Variants in UST observed in about 807,000 individuals in gnomAD.
UST encodes chondroitin sulfate 2-O-sulfotransferase.
A neutral mutation model predicts 45.6 loss-of-function variants in UST; 21 were observed. That is an observed-to-expected ratio of 0.46 (90% CI 0.33 to 0.66). The LOEUF (loss-of-function observed/expected upper bound fraction) is 0.66. Ranked by LOEUF, UST falls within the 30% of genes least tolerant of loss-of-function variation. The probability of loss-of-function intolerance (pLI) is 0.02; values close to 1 mark genes in which losing one functional copy is unlikely to be tolerated. For synonymous variants in UST, 215 were observed against 200.6 expected, an observed-to-expected ratio of 1.07 and a Z score of -0.61; for missense variants, 463 against 512.4, an observed-to-expected ratio of 0.90 and a Z score of 0.93.
chr6:149,010,895 CAAAAAAAAA>C (rs1172538648), intron 5 of UST, among the ~76,000 whole-genome samples: 25 of 65,614 alleles, frequency 3.8e-4, no homozygotes, highest in African/African-American at 1.5e-3. Context: ...CCGTCTCAAC[CAAAAAAAAA>C]AAAAAAAAAA....
intron 2 of UST, among the ~76,000 whole-genome samples, chr6:148,892,877 C>T (rs1446846657): frequency 6.6e-6 from 1 of 151,984 alleles, no homozygotes; most frequent in Non-Finnish European, 1.5e-5. Flanking sequence ...ACAAAGATGC[C>T]ATAATGGATC....
At chr6:148,949,405 A>G (rs932292501) in intron 3 of UST, among the ~76,000 whole-genome samples, 6 of 111,880 alleles carry the variant, frequency 5.4e-5, no homozygotes, top group Non-Finnish European at 1.2e-4. Context: ...AAATAATAAT[A>G]ATAATAATAA....
chr6:148,942,586 A>AAAAT (rs1050840185), intron 3 of UST, among the ~76,000 whole-genome samples: 1 of 152,130 alleles, frequency 6.6e-6, no homozygotes, highest in African/African-American at 2.4e-5. Flanking sequence ...AGTAAATAAA[A>AAAAT]AAATAAATAA....
intron 1 of UST, among the ~76,000 whole-genome samples, chr6:148,875,075 T>G (rs1778622539): frequency 6.6e-6 from 1 of 152,232 alleles, no homozygotes; most frequent in South Asian, 2.1e-4. Flanking sequence ...GATTATGATT[T>G]GAAAAGGACC....
chr6:148,886,774 A>T (rs1449058159), intron 1 of UST, among the ~76,000 whole-genome samples: 2 of 152,210 alleles, frequency 1.3e-5, no homozygotes, highest in African/African-American at 4.8e-5. Context: ...ATAACCATGT[A>T]TGTAGAATGT....
chr6:148,773,146 A>G (rs1246621889), intron 1 of UST, among the ~76,000 whole-genome samples: 1 of 152,176 alleles, frequency 6.6e-6, no homozygotes, highest in Non-Finnish European at 1.5e-5. Context: ...AATTTTACCT[A>G]AATTTATATG....
chr6:149,043,608 G>A (rs1582973928), intron 7 of UST, among the ~76,000 whole-genome samples: 1 of 152,366 alleles, frequency 6.6e-6, no homozygotes. Context: ...GAGCCTTGAT[G>A]TGGACAGGCG....
At chr6:148,798,094 G>C (rs1776985834) in intron 1 of UST, among the ~76,000 whole-genome samples, 1 of 152,116 alleles carries the variant, frequency 6.6e-6, no homozygotes, top group African/African-American at 2.4e-5. Context: ...GTGGAGGCTG[G>C]GGGCAGATAT....
Position 148,748,452 on chromosome 6 carries a change from TGG to T in UST, c.247+776_247+777del, listed in dbSNP as rs1775923241. ...GTGTGTGTGTGTGTGTGTGTGTGTG[TGG>T]TTTATTAGGAGAGAGGCCGCCTGTC... is the stretch of plus-strand genomic sequence containing the variant. On this transcript the variant is annotated intron_variant, in intron 1 of 7. Transcript: ENST00000367463. This position sits in a 1 kb window ranked among gnomAD's most constrained non-coding sequence, Gnocchi z 5.3. Among the ~76,000 whole-genome samples, 2 of 134,218 alleles carry T rather than the reference TGG, an allele frequency of 1.5e-5. No homozygotes were observed. The highest frequency in any genetic ancestry group is 4.9e-4 in the South Asian group (2 of 4,044). The allele number at this position is 134,218 out of a possible 152,430, so 88.1% of individuals were successfully genotyped here. A position where few individuals can be genotyped will look rare whatever the true frequency, so the allele number is the denominator to read the frequency against.
intron 1 of UST, among the ~76,000 whole-genome samples, chr6:148,817,366 G>T (rs1486145727): frequency 6.6e-6 from 1 of 152,170 alleles, no homozygotes; most frequent in Non-Finnish European, 1.5e-5. Context: ...TAAAATATTT[G>T]AAGAGATTTA....
At chr6:148,929,169 A>G (rs1272415460) in intron 2 of UST, among the ~76,000 whole-genome samples, 1 of 152,192 alleles carries the variant, frequency 6.6e-6, no homozygotes, top group Non-Finnish European at 1.5e-5. Context: ...CCTACTGGTT[A>G]CTTACTCCAT....
intron 1 of UST, among the ~76,000 whole-genome samples, chr6:148,848,404 G>A (rs1032367803): frequency 2.0e-5 from 3 of 152,192 alleles, no homozygotes; most frequent in African/African-American, 7.2e-5. Flanking sequence ...TGGGCATGGT[G>A]GCTCACGCCA....
chr6:148,919,793 C>A (rs1435514900), intron 2 of UST, among the ~76,000 whole-genome samples: 1 of 152,084 alleles, frequency 6.6e-6, no homozygotes, highest in East Asian at 1.9e-4. Context: ...ACCAGTTAAG[C>A]CTTTTAGACT....
chr6:148,823,459 G>A (rs149503612), intron 1 of UST, among the ~76,000 whole-genome samples: 38 of 152,260 alleles, frequency 2.5e-4, no homozygotes, highest in African/African-American at 9.1e-4. Context: ...GCCCTCCTGT[G>A]TTTTAAGCCA....
chr6:148,951,307 A>C (rs932294958), intron 3 of UST, among the ~76,000 whole-genome samples: 4 of 152,208 alleles, frequency 2.6e-5, no homozygotes, highest in African/African-American at 9.7e-5. Context: ...CTGGATAAAG[A>C]GTAAAGATGG....
At chr6:149,062,495 A>G (rs1055918046) in intron 7 of UST, among the ~76,000 whole-genome samples, 4 of 152,214 alleles carry the variant, frequency 2.6e-5, no homozygotes, top group African/African-American at 9.6e-5. Flanking sequence ...TGAAAAAGAC[A>G]CAGTCCCTTT....
At chr6:149,064,805 A>G (rs537406065) in intron 7 of UST, among the ~76,000 whole-genome samples, 98 of 152,288 alleles carry the variant, frequency 6.4e-4, no homozygotes, top group Non-Finnish European at 1.2e-3. Context: ...ACTTGGCTCC[A>G]GAAGAATGTA....
chr6:148,765,377 A>G (rs984775874), intron 1 of UST, among the ~76,000 whole-genome samples: 4 of 152,212 alleles, frequency 2.6e-5, no homozygotes, highest in Admixed American at 6.5e-5. Flanking sequence ...ATCTTGTAGT[A>G]TAATTTGAAT....
At chr6:149,069,484 G>A (rs1776788110) in intron 7 of UST, among the ~76,000 whole-genome samples, 1 of 152,186 alleles carries the variant, frequency 6.6e-6, no homozygotes, top group South Asian at 2.1e-4. Flanking sequence ...GCATTTCCTT[G>A]ATGATTAGCA....
Sources: gnomAD v4.1 joint callset for allele counts (sites outside exome capture counted in the v4.1 genomes callset) on GRCh38, gnomAD v4.1.1 for gene constraint, Gnocchi (gnomAD v3.1) non-coding constraint, MANE v1.5 for transcripts, NCBI Gene and HGNC (gene_info 2026-07-23, HGNC 2026-07-21) for gene names.